Variants in SERPINB12 observed in about 807,000 individuals in gnomAD.
SERPINB12 encodes the protein serpin B12.
SERPINB12 carries 57 observed loss-of-function variants against 41.1 expected under a neutral mutation model. The ratio of observed to expected loss-of-function variants is 1.39; its 90% CI spans 1.12 to 1.73. The LOEUF (loss-of-function observed/expected upper bound fraction) is 1.73, where lower values mean the gene tolerates loss of function less well. SERPINB12 is among the 40% of genes most tolerant of loss of function. The pLI is 0.00. For synonymous variants in SERPINB12, 180 were observed against 181.3 expected, an observed-to-expected ratio of 0.99 and a Z score of 0.06; for missense variants, 536 against 501.9, an observed-to-expected ratio of 1.07 and a Z score of -0.65.
At chr18:63,530,400 G>A in the SERPINB12 span, among the ~76,000 whole-genome samples, 18 of 152,250 alleles carry the variant, frequency 1.2e-4, no homozygotes, top group Non-Finnish European at 2.1e-4. Flanking sequence ...TCTAAGGAAT[G>A]CCACATGATG....
In SERPINB12 at chr18:63,544,567, T is replaced by C. The variant is rs552491911; in HGVS notation, c.-19+2075T>C. Among the ~76,000 whole-genome samples, 10 of 152,304 alleles carry C rather than the reference T, an allele frequency of 6.6e-5. No homozygotes were observed. The Middle Eastern group carries it at 0.014, about 207-fold the overall frequency. ...CAAGTTTACTGCTTTTTCTATGTGT[T>C]CTTTGCTGTCTCATAGCTTTGCCTG... is the stretch of plus-strand genomic sequence containing the variant. On this transcript the variant is annotated intron_variant, in intron 1 of 7. Transcript: ENST00000382768.
chr18:63,549,098 A>T lies in SERPINB12; in HGVS notation c.-19+6606A>T, dbSNP rs74664956. On this transcript the variant is annotated intron_variant, in intron 1 of 7. Transcript: ENST00000382768. Reference sequence around the variant, plus strand: ...TTATAAGGCCATTAAAAGAACATCTATGAAGACAGTATTAGGATAAACACT... The same window carrying T: ...TTATAAGGCCATTAAAAGAACATCTTTGAAGACAGTATTAGGATAAACACT... Among the ~76,000 whole-genome samples, 1,236 of 152,306 alleles carry T rather than the reference A, an allele frequency of 8.1e-3. 17 individuals carry two copies. The highest frequency in any genetic ancestry group is 0.028 in the African/African-American group (1,177 of 41,582).
chr18:63,564,092 C>T lies in SERPINB12; in HGVS notation c.677C>T (p.Thr226Met), dbSNP rs563732561. The change falls in exon 6 of 8, where the codon ACG becomes ATG. Residue 226 changes from threonine to methionine, a missense_variant. Coordinates refer to ENST00000382768, the MANE Select transcript of SERPINB12 (RefSeq NM_001307928.2). ...GAAACATACTTTGACCATGAAAACACGGTGGATGCACCTTTCTGTCTAAAT... is the reference window on the plus strand; with the variant it reads ...GAAACATACTTTGACCATGAAAACATGGTGGATGCACCTTTCTGTCTAAAT... Reference protein sequence around the residue: ...KWETYFDHENTVDAPFCLNAN... With the variant: ...KWETYFDHENMVDAPFCLNAN... 9.3e-6 allele frequency: 15 copies of T among 1,613,802 alleles called. No individual in the cohort carries two copies. Among genetic ancestry groups the T allele is most frequent in the East Asian group, 4.5e-5 (2 of 44,868 alleles).
the SERPINB12 span, among the ~76,000 whole-genome samples, chr18:63,531,228 C>A: frequency 3.3e-4 from 51 of 152,272 alleles, no homozygotes; most frequent in African/African-American, 1.2e-3. Context: ...TTTTCTCTTT[C>A]TTTATAGATC....
In SERPINB12 at chr18:63,552,166, A is replaced by G. The variant is rs1910548657; in HGVS notation, c.-18-3976A>G. On this transcript the variant is annotated intron_variant, in intron 1 of 7. Transcript: ENST00000382768. ...GTGTGCATGCCATGATGTGAATTTC[A>G]GTTGCTTGATACTCTCTGGGAGGCC... Among the ~76,000 whole-genome samples the G allele has an allele frequency of 1.3e-5, 2 of 152,178 alleles. 1 individual carries two copies. Among genetic ancestry groups the G allele is most frequent in the Admixed American group, 1.3e-4 (2 of 15,256 alleles).
chr18:63,552,809 C>T (rs1910567468), intron 1 of SERPINB12, among the ~76,000 whole-genome samples: 1 of 152,140 alleles, frequency 6.6e-6, no homozygotes, highest in Non-Finnish European at 1.5e-5. Flanking sequence ...CCCCACCCCC[C>T]AAAATAACCA....
chr18:63,566,233 CTTTATATACATGATTTTA>C (rs1192077940), intron 7 of SERPINB12, among the ~76,000 whole-genome samples: 2 of 152,164 alleles, frequency 1.3e-5, no homozygotes, highest in African/African-American at 4.8e-5. Flanking sequence ...GTGTTAAGTT[CTTTATATACATGATTTTA>C]TTAATGCTTG....
At chr18:63,527,094 G>A in the SERPINB12 span, among the ~76,000 whole-genome samples, 5 of 152,222 alleles carry the variant, frequency 3.3e-5, no homozygotes, top group South Asian at 4.1e-4. Context: ...GTTGTTATGC[G>A]GTATATGACT....
At chr18:63,563,884 G>A (rs1259490243) in intron 5 of SERPINB12, 94 bp from the exon 6 acceptor site, 44 of 1,224,140 alleles carry the variant, frequency 3.6e-5, no homozygotes, top group African/African-American at 2.4e-4. Flanking sequence ...AGACAAGAGC[G>A]AAACTCTGTC....
In SERPINB12 at chr18:63,546,974, A is replaced by G. The variant is rs138150009; in HGVS notation, c.-19+4482A>G. Among the ~76,000 whole-genome samples the G allele has an allele frequency of 3.1e-3, 473 of 152,316 alleles. 6 individuals carry two copies. Among genetic ancestry groups the G allele is most frequent in the African/African-American group, 0.011 (449 of 41,558 alleles). On this transcript the variant is annotated intron_variant, in intron 1 of 7. Transcript: ENST00000382768. Reference sequence around the variant, plus strand: ...GGTAAATGCTCGAATTGCCTGATATAATTTTTAACAATGAACACTGAATTG... The same window carrying G: ...GGTAAATGCTCGAATTGCCTGATATGATTTTTAACAATGAACACTGAATTG...
At chr18:63,548,262 GA>G (rs1474344554) in intron 1 of SERPINB12, among the ~76,000 whole-genome samples, 2 of 151,764 alleles carry the variant, frequency 1.3e-5, no homozygotes, top group Admixed American at 1.3e-4. Context: ...CATAAAAATG[GA>G]AAAAAATACC....
At chr18:63,543,946 T>C (rs530599227) in intron 1 of SERPINB12, among the ~76,000 whole-genome samples, 3 of 152,294 alleles carry the variant, frequency 2.0e-5, no homozygotes, top group South Asian at 4.1e-4. Context: ...TAAGAAAATA[T>C]GTTTCTTGTT....
At chr18:63,560,131 C>T (rs1406065698) in intron 4 of SERPINB12, among the ~76,000 whole-genome samples, 2 of 152,076 alleles carry the variant, frequency 1.3e-5, no homozygotes, top group Non-Finnish European at 1.5e-5. Context: ...TCAGGCTACC[C>T]CCGCAATGCA....
chr18:63,558,171 C>T (rs1358849338), intron 2 of SERPINB12, among the ~76,000 whole-genome samples, 181 bp from the exon 3 acceptor site: 1 of 152,118 alleles, frequency 6.6e-6, no homozygotes, highest in Non-Finnish European at 1.5e-5. Context: ...GCGGTTGGTT[C>T]TTCTCCTCGA....
In SERPINB12 at chr18:63,559,594, A is replaced by G. The variant is rs961195906; in HGVS notation, c.320A>G (p.Asn107Ser). Reference protein sequence around the residue: ...PLDQQAGSLNNESGLVSCYFG... With the variant: ...PLDQQAGSLNSESGLVSCYFG... ...TTTCCTTAGGCTGGGTCCTTAAACA[A>G]TGAGAGCGGACTGGTCAGCTGCTAC... The change falls in exon 4 of 8, where the codon AAT becomes AGT. Residue 107 changes from asparagine to serine, a missense_variant. By Grantham distance (46) the Asn-to-Ser change is conservative. Coordinates refer to ENST00000382768, the MANE Select transcript of SERPINB12 (RefSeq NM_001307928.2). 6.2e-7 allele frequency: 1 copy of G among 1,614,060 alleles called. No homozygotes were observed. Among genetic ancestry groups the G allele is most frequent in the Non-Finnish European group, 8.5e-7 (1 of 1,179,972 alleles).
the SERPINB12 span, among the ~76,000 whole-genome samples, chr18:63,532,094 A>G: frequency 6.6e-6 from 1 of 152,238 alleles, no homozygotes; most frequent in Non-Finnish European, 1.5e-5. Flanking sequence ...GACCACTTGG[A>G]CTCTAGCTCA....
the SERPINB12 span, among the ~76,000 whole-genome samples, chr18:63,532,033 T>C: frequency 9.1e-4 from 138 of 152,324 alleles, no homozygotes; most frequent in Non-Finnish European, 1.8e-3. Context: ...ATTTCCAAGA[T>C]CTTAGGAATA....
the SERPINB12 span, among the ~76,000 whole-genome samples, chr18:63,528,627 A>G: frequency 0.056 from 8,505 of 152,216 alleles, 279 homozygotes; most frequent in South Asian, 0.11. Context: ...TGGCCAAACC[A>G]AGATGAAATC....
At chr18:63,532,914 CT>C in the SERPINB12 span, among the ~76,000 whole-genome samples, 5 of 152,058 alleles carry the variant, frequency 3.3e-5, no homozygotes, top group Non-Finnish European at 7.4e-5. Flanking sequence ...AAAACTTGAC[CT>C]AACAGGTAAT....
Sources: gnomAD v4.1 joint callset for allele counts (sites outside exome capture counted in the v4.1 genomes callset) on GRCh38, gnomAD v4.1.1 for gene constraint, MANE v1.5 for transcripts, NCBI Gene and HGNC (gene_info 2026-07-23, HGNC 2026-07-21) for gene names.